The following PKP4 variants were observed in gnomAD, a reference collection of about 807,000 sequenced individuals.
The protein encoded by PKP4 is plakophilin-4.
In PKP4, 90 loss-of-function variants were observed where a neutral mutation model predicts 145.1. That is an observed-to-expected ratio of 0.62 (90% CI 0.52 to 0.74). The LOEUF (loss-of-function observed/expected upper bound fraction) is 0.74. PKP4 is among the 30% of genes least tolerant of loss of function. The probability of loss-of-function intolerance (pLI) is 0.00; values close to 1 mark genes in which losing one functional copy is unlikely to be tolerated. For synonymous variants in PKP4, 563 were observed against 577.2 expected, an observed-to-expected ratio of 0.98 and a Z score of 0.35; for missense variants, 1,340 against 1,482.7, an observed-to-expected ratio of 0.90 and a Z score of 1.58.
chr2:158,530,064 A>G (rs2043377618), intron 1 of PKP4, among the ~76,000 whole-genome samples: 1 of 152,138 alleles, frequency 6.6e-6, no homozygotes, highest in Non-Finnish European at 1.5e-5. Context: ...TATGTTAATG[A>G]CAATGTGATG....
intron 1 of PKP4, among the ~76,000 whole-genome samples, chr2:158,531,745 C>T (rs1336359117): frequency 6.6e-6 from 1 of 152,150 alleles, no homozygotes; most frequent in Non-Finnish European, 1.5e-5. Context: ...CATCTCATGT[C>T]TCAGGATCCT....
chr2:158,496,816 GT>G (rs1433996973), intron 1 of PKP4, among the ~76,000 whole-genome samples: 1 of 147,308 alleles, frequency 6.8e-6, no homozygotes, highest in East Asian at 2.0e-4. Flanking sequence ...CACTCTCTCT[GT>G]CTCTGTCTCT....
At chr2:158,476,996 G>T (rs1289920158) in intron 1 of PKP4, among the ~76,000 whole-genome samples, 1 of 151,992 alleles carries the variant, frequency 6.6e-6, no homozygotes, top group Admixed American at 6.6e-5. Flanking sequence ...TATATTCTTT[G>T]TTCTGTGAAC....
intron 8 of PKP4, among the ~76,000 whole-genome samples, chr2:158,633,261 G>A (rs547694777): frequency 1.3e-5 from 2 of 152,336 alleles, no homozygotes; most frequent in East Asian, 3.9e-4. Flanking sequence ...ATGTGATAAA[G>A]TTTAATTTAT....
At chr2:158,586,651 T>C (rs1182286854) in intron 3 of PKP4, among the ~76,000 whole-genome samples, 2 of 152,238 alleles carry the variant, frequency 1.3e-5, no homozygotes, top group Non-Finnish European at 2.9e-5. Flanking sequence ...ATGCAACTCC[T>C]ATTGTAAACA....
intron 3 of PKP4, among the ~76,000 whole-genome samples, chr2:158,585,340 G>A (rs1354255628): frequency 2.6e-5 from 4 of 152,108 alleles, no homozygotes; most frequent in Admixed American, 6.5e-5. Flanking sequence ...TTGACAAATA[G>A]TGTTCTTACT....
intron 16 of PKP4, among the ~76,000 whole-genome samples, chr2:158,667,049 G>A (rs900830540): frequency 6.6e-6 from 1 of 152,150 alleles, no homozygotes; most frequent in Non-Finnish European, 1.5e-5. Flanking sequence ...CTGGGCAGGG[G>A]CAGGACTAGG....
At chr2:158,645,870 A>G (rs551018968) in intron 11 of PKP4, among the ~76,000 whole-genome samples, 2 of 152,292 alleles carry the variant, frequency 1.3e-5, no homozygotes, top group Admixed American at 6.5e-5. Flanking sequence ...TTTTTTGTTT[A>G]CATTTAAAAA....
chr2:158,588,923 A>C (rs191897031), intron 3 of PKP4: 1 of 152,166 alleles, frequency 6.6e-6, no homozygotes, highest in African/African-American at 2.4e-5. Flanking sequence ...TTTGCCTTCT[A>C]TCAGCAAGAG....
chr2:158,549,344 T>C (rs2045380702), intron 2 of PKP4: 1 of 152,238 alleles, frequency 6.6e-6, no homozygotes, highest in South Asian at 2.1e-4. Context: ...TTTTATTTCA[T>C]GTCTAAAAAA....
At position 158,634,100 on chromosome 2, in the gene PKP4, G is replaced by A. The variant is rs1379452583; in HGVS notation, c.1373G>A (p.Ser458Asn). ...ATTGGAAATCTACAAAGGACATCCAGCCAACGAAGTACCCTTACATACCAA... is the reference window on the plus strand; with the variant it reads ...ATTGGAAATCTACAAAGGACATCCAACCAACGAAGTACCCTTACATACCAA... Reference protein sequence around the residue: ...VGIGNLQRTSSQRSTLTYQRN... With the variant: ...VGIGNLQRTSNQRSTLTYQRN... Residue 458 changes from serine to asparagine, a missense_variant, in exon 9 of 22, where the codon AGC becomes AAC. By Grantham distance (46) the Ser-to-Asn change is conservative. Transcript: ENST00000389759. 1 of 1,613,254 alleles carries A rather than the reference G, an allele frequency of 6.2e-7. No individual in the cohort carries two copies. Among genetic ancestry groups the A allele is most frequent in the East Asian group, 2.2e-5 (1 of 44,880 alleles).
intron 12 of PKP4, chr2:158,660,537 C>T (rs2056470038): frequency 6.6e-6 from 1 of 152,514 alleles, no homozygotes; most frequent in Non-Finnish European, 1.5e-5. Context: ...TTCCACCGCC[C>T]CCTCATCTAG....
chr2:158,498,817 T>G (rs1488341441), intron 1 of PKP4, among the ~76,000 whole-genome samples: 28 of 149,468 alleles, frequency 1.9e-4, no homozygotes, highest in Admixed American at 1.5e-3. Flanking sequence ...TGTGAGTGTT[T>G]TTTTTTTTTT....
At chr2:158,655,803 A>T (rs1256686286) in intron 11 of PKP4, among the ~76,000 whole-genome samples, 25 of 152,206 alleles carry the variant, frequency 1.6e-4, no homozygotes, top group Admixed American at 1.6e-3. Context: ...TCTGGGCTGC[A>T]TGCTGCCACT....
At chr2:158,485,450 A>C (rs190752297) in intron 1 of PKP4, among the ~76,000 whole-genome samples, 40 of 152,348 alleles carry the variant, frequency 2.6e-4, no homozygotes, top group African/African-American at 7.7e-4. Context: ...TTGGCTCTCC[A>C]TGTAACCTAT....
chr2:158,633,305 C>T (rs570108568), intron 8 of PKP4, among the ~76,000 whole-genome samples: 3 of 152,218 alleles, frequency 2.0e-5, no homozygotes, highest in African/African-American at 7.2e-5. Flanking sequence ...ACAACAATAA[C>T]AAAGAATGAA....
intron 9 of PKP4, among the ~76,000 whole-genome samples, chr2:158,635,849 G>A (rs575500806): frequency 6.6e-6 from 1 of 152,116 alleles, no homozygotes; most frequent in Non-Finnish European, 1.5e-5. Context: ...TGACTTTGAA[G>A]TTTGAATATT....
At chr2:158,530,598 A>G (rs16843004) in intron 1 of PKP4, among the ~76,000 whole-genome samples, 9,346 of 148,054 alleles carry the variant, frequency 0.063, 392 homozygotes, top group South Asian at 0.11. Context: ...AATTCATTAA[A>G]TGGTCTTACA....
At chr2:158,590,180 G>A (rs992936827) in intron 3 of PKP4, among the ~76,000 whole-genome samples, 1 of 152,010 alleles carries the variant, frequency 6.6e-6, no homozygotes, top group Non-Finnish European at 1.5e-5. Flanking sequence ...TAAAACTGAA[G>A]CAGGAAAAAG....
Sources: allele counts gnomAD v4.1 joint callset (sites outside exome capture counted in the v4.1 genomes callset), GRCh38; gene constraint gnomAD v4.1.1; transcripts MANE v1.5; gene names NCBI Gene and HGNC (gene_info 2026-07-23, HGNC 2026-07-21).